The following PCBP3 variants were observed in gnomAD, a reference collection of about 807,000 sequenced individuals.
PCBP3 encodes the protein poly(rC)-binding protein 3.
A neutral mutation model predicts 52.7 loss-of-function variants in PCBP3; 25 were observed. That is an observed-to-expected ratio of 0.47 (90% CI 0.35 to 0.66). The LOEUF (loss-of-function observed/expected upper bound fraction) is 0.66, where lower values mean the gene tolerates loss of function less well. PCBP3 is among the 30% of genes least tolerant of loss of function. The pLI, the probability that PCBP3 is intolerant of heterozygous loss-of-function variation, is 0.01. For synonymous variants in PCBP3, 162 were observed against 183.0 expected, an observed-to-expected ratio of 0.89 and a Z score of 0.93; for missense variants, 391 against 490.3, an observed-to-expected ratio of 0.80 and a Z score of 1.91.
At chr21:45,834,875 G>A (rs1427006153) in intron 4 of PCBP3, among the ~76,000 whole-genome samples, 1 of 152,246 alleles carries the variant, frequency 6.6e-6, no homozygotes, top group Non-Finnish European at 1.5e-5. Flanking sequence ...AGCGCTGAGT[G>A]CACAACCCAG....
rs1430462820 is a variant in PCBP3 at position 45,805,622 on chromosome 21, T to C, written c.-125-44339T>C. Among the ~76,000 whole-genome samples, 1 of 152,162 alleles carries C rather than the reference T, an allele frequency of 6.6e-6. No individual in the cohort carries two copies. The highest frequency in any genetic ancestry group is 6.5e-5 in the Admixed American group (1 of 15,278). On this transcript the variant is annotated intron_variant, in intron 4 of 17. Coordinates refer to ENST00000681687, the MANE Select transcript of PCBP3 (RefSeq NM_001384156.1). The surrounding 1 kb of genome is among the most constrained non-coding windows in gnomAD (Gnocchi z 4.6). ...TGAAGATAATGCTTCCTGTCTGCTT[T>C]TGTGTCAACAGTTGGGGCAAGCACA...
At chr21:45,708,257 T>C (rs1164549202) in intron 2 of PCBP3, among the ~76,000 whole-genome samples, 1 of 152,154 alleles carries the variant, frequency 6.6e-6, no homozygotes, top group Non-Finnish European at 1.5e-5. Context: ...AGAGTGGTGC[T>C]CTGGTCTCCT....
chr21:45,669,787 TTGTG>T (rs1224298314), intron 2 of PCBP3, among the ~76,000 whole-genome samples: 3,258 of 78,198 alleles, frequency 0.042, 130 homozygotes, highest in African/African-American at 0.077. Flanking sequence ...TAATATTCCA[TTGTG>T]TGTGTGTGTG....
At chr21:45,688,222 C>T (rs1411684895) in intron 2 of PCBP3, among the ~76,000 whole-genome samples, 1 of 152,126 alleles carries the variant, frequency 6.6e-6, no homozygotes, top group African/African-American at 2.4e-5. Flanking sequence ...ACAACACCAG[C>T]AACCAATTTG....
chr21:45,873,547 G>A (rs893160438), intron 5 of PCBP3, among the ~76,000 whole-genome samples: 1 of 152,124 alleles, frequency 6.6e-6, no homozygotes, highest in Non-Finnish European at 1.5e-5. Flanking sequence ...GGTGTCCTGT[G>A]CTGTCTTTCA....
chr21:45,707,920 C>A (rs1031212708), intron 2 of PCBP3, among the ~76,000 whole-genome samples: 1 of 152,178 alleles, frequency 6.6e-6, no homozygotes, highest in African/African-American at 2.4e-5. Context: ...GCACATGTAG[C>A]CCCAGGAAGC....
intron 4 of PCBP3, among the ~76,000 whole-genome samples, chr21:45,793,259 G>A (rs1466180104): frequency 6.6e-6 from 1 of 152,152 alleles, no homozygotes; most frequent in African/African-American, 2.4e-5. Flanking sequence ...TCACAGAATG[G>A]GCAGCATGAA....
intron 5 of PCBP3, among the ~76,000 whole-genome samples, chr21:45,855,409 C>G (rs1011390872): frequency 6.6e-6 from 1 of 152,106 alleles, no homozygotes; most frequent in Non-Finnish European, 1.5e-5. Context: ...CCTTGAGAAC[C>G]GCACCATGGG....
At chr21:45,929,235 G>C (rs891106698) in intron 13 of PCBP3, among the ~76,000 whole-genome samples, 26 of 152,194 alleles carry the variant, frequency 1.7e-4, no homozygotes, top group Non-Finnish European at 2.9e-5. Context: ...GGACACAGGC[G>C]GCTCCCAGCT....
At chr21:45,804,797 C>A (rs2092436012) in intron 4 of PCBP3, among the ~76,000 whole-genome samples, 1 of 152,074 alleles carries the variant, frequency 6.6e-6, no homozygotes, top group Non-Finnish European at 1.5e-5. Flanking sequence ...TCACCTTGGG[C>A]CTGTCCTTCT....
At chr21:45,852,622 GCCACCC>G (rs2094083128) in intron 5 of PCBP3, among the ~76,000 whole-genome samples, 1 of 150,416 alleles carries the variant, frequency 6.6e-6, no homozygotes. Context: ...CAGCCCTGCG[GCCACCC>G]TGACTTCTGT....
At chr21:45,840,908 C>T (rs1478180378) in intron 4 of PCBP3, among the ~76,000 whole-genome samples, 1 of 152,220 alleles carries the variant, frequency 6.6e-6, no homozygotes, top group African/African-American at 2.4e-5. Context: ...AGCCACTGCA[C>T]CCGGCCTTTT....
chr21:45,718,165 C>T (rs983433607), intron 2 of PCBP3, among the ~76,000 whole-genome samples: 1 of 147,318 alleles, frequency 6.8e-6, no homozygotes, highest in African/African-American at 2.5e-5. Context: ...GTTGTGATGT[C>T]TCCTCTTTCA....
chr21:45,900,575 T>TG lies in PCBP3; in HGVS notation c.190-16_190-15insG. ...AGAGGGATACCTTTTCCTTATTGTC[T>TG]AAATCTTTATTCCAGAAAGGAGAAA... On this transcript the variant is annotated splice_polypyrimidine_tract_variant and intron_variant, in intron 7 of 17. Coordinates refer to ENST00000681687, the MANE Select transcript of PCBP3 (RefSeq NM_001384156.1). 6.5e-7 allele frequency: 1 copy of TG among 1,544,724 alleles called. No homozygotes were observed. Among genetic ancestry groups the TG allele is most frequent in the Non-Finnish European group, 8.8e-7 (1 of 1,134,352 alleles).
intron 5 of PCBP3, among the ~76,000 whole-genome samples, chr21:45,860,161 C>A (rs558125567): frequency 2.1e-5 from 2 of 94,178 alleles, no homozygotes; most frequent in African/African-American, 9.4e-5. Flanking sequence ...GGCCCAGGTG[C>A]CCTCTCCAGC....
chr21:45,824,814 G>T (rs1329037796), intron 4 of PCBP3, among the ~76,000 whole-genome samples: 1 of 152,260 alleles, frequency 6.6e-6, no homozygotes, highest in Admixed American at 6.5e-5. Context: ...CAAGGACATA[G>T]ATGGCCTGCA....
intron 5 of PCBP3, among the ~76,000 whole-genome samples, chr21:45,886,920 C>A (rs1046962328): frequency 6.6e-6 from 1 of 152,218 alleles, no homozygotes; most frequent in African/African-American, 2.4e-5. Context: ...AGGCTCTGTA[C>A]GCGGCCTTTG....
At chr21:45,906,483 T>C (rs1039569972) in intron 9 of PCBP3, among the ~76,000 whole-genome samples, 10 of 152,042 alleles carry the variant, frequency 6.6e-5, no homozygotes, top group African/African-American at 2.4e-4. Flanking sequence ...CGTTTGTCTG[T>C]AGTTTGAGCC....
intron 6 of PCBP3, among the ~76,000 whole-genome samples, chr21:45,899,328 T>C (rs2095957197): frequency 6.6e-6 from 1 of 151,986 alleles, no homozygotes; most frequent in African/African-American, 2.4e-5. Context: ...CCAGCTGCCC[T>C]CCCCCGGGGC....
Sources: allele counts gnomAD v4.1 joint callset (sites outside exome capture counted in the v4.1 genomes callset), GRCh38; gene constraint gnomAD v4.1.1; non-coding constraint Gnocchi (gnomAD v3.1); transcripts MANE v1.5; gene names NCBI Gene and HGNC (gene_info 2026-07-23, HGNC 2026-07-21).